MIEN1: variants seen among roughly 807,000 people sequenced by gnomAD.
MIEN1 encodes HBV X-transactivated gene 4 protein.
In MIEN1, 12 loss-of-function variants were observed where a neutral mutation model predicts 15.5. That is an observed-to-expected ratio of 0.78 (90% CI 0.50 to 1.26). The LOEUF (loss-of-function observed/expected upper bound fraction) is 1.26. Ranked by LOEUF, MIEN1 falls within the 50% of genes most tolerant of loss-of-function variation. The probability of loss-of-function intolerance (pLI) is 0.00; values close to 1 mark genes in which losing one functional copy is unlikely to be tolerated. For synonymous variants in MIEN1, 63 were observed against 62.8 expected (o/e 1.00, Z -0.02); for missense variants, 160 against 151.7 (o/e 1.05, Z -0.29).
In MIEN1 at chr17:39,729,242, GTAT is replaced by G. The variant is rs2059918131; in HGVS notation, c.*277_*279del. 1 of 512,432 alleles carries G rather than the reference GTAT, an allele frequency of 2.0e-6. No homozygotes were observed. Among genetic ancestry groups the G allele is most frequent in the Non-Finnish European group, 3.5e-6 (1 of 285,740 alleles). The allele number at this position is 512,432 out of a possible 1,614,324, so 31.7% of individuals were successfully genotyped here. On this transcript the variant is annotated 3_prime_UTR_variant, in exon 4 of 4. Coordinates refer to ENST00000394231, the MANE Select transcript of MIEN1 (RefSeq NM_032339.5). ...AAATAAAATCTGTGGCATCAGACAG[GTAT>G]TACCGAGGCGAAGAGTGGACTGGGC...
chr17:39,730,502 C>G lies in MIEN1; in HGVS notation c.-7G>C. 1 of 1,529,386 alleles carries G rather than the reference C, an allele frequency of 6.5e-7. No individual in the cohort carries two copies. Among genetic ancestry groups the G allele is most frequent in the Non-Finnish European group, 8.7e-7 (1 of 1,143,272 alleles). The allele number at this position is 1,529,386 out of a possible 1,614,324, so 94.7% of individuals were successfully genotyped here. ...GCCCCGGCTCCCCGCTCATCGCGGC[C>G]GGCTCCGCTCGGGCCCCTGCTTCCG... On this transcript the variant is annotated 5_prime_UTR_variant, in exon 1 of 4. Coordinates refer to ENST00000394231, the MANE Select transcript of MIEN1 (RefSeq NM_032339.5).
chr17:39,730,340 T>A (rs2059931645), intron 1 of MIEN1, 49 bp from the exon 2 acceptor site: 1 of 1,563,290 alleles, frequency 6.4e-7, no homozygotes, highest in Admixed American at 1.9e-5. Flanking sequence ...GGGTGGGGCC[T>A]CCCGTGGACC....
In MIEN1 at chr17:39,729,437, A is replaced by G; in HGVS notation, c.*85T>C. ...TTTGCTAAGGAGCTAAGTAGGGGAA[A>G]GAGGCAGGGGGAGCTCCCAGCAGGA... On this transcript the variant is annotated 3_prime_UTR_variant, in exon 4 of 4. Coordinates refer to ENST00000394231, the MANE Select transcript of MIEN1 (RefSeq NM_032339.5). 1 of 1,557,168 alleles carries G rather than the reference A, an allele frequency of 6.4e-7. No individual in the cohort carries two copies. The highest frequency in any genetic ancestry group is 8.8e-7 in the Non-Finnish European group (1 of 1,137,170).
intron 2 of MIEN1, 25 bp downstream of exon 2, chr17:39,730,169 C>T (rs1229901115): frequency 6.3e-7 from 1 of 1,580,806 alleles, no homozygotes; most frequent in South Asian, 1.1e-5. Flanking sequence ...ACAGACTGAC[C>T]CAGCAGGTGT....
Position 39,730,284 on chromosome 17 carries a change from A to C in MIEN1, c.97T>G (p.Cys33Gly). 6.2e-7 allele frequency: 1 copy of C among 1,600,042 alleles called. No individual in the cohort carries two copies. The highest frequency in any genetic ancestry group is 8.5e-7 in the Non-Finnish European group (1 of 1,174,678). ...VRIVVEYCEP[C>G]GFEATYLELA... The stretch of plus-strand genomic sequence containing the variant: ...TCCAGGTAGGTCGCCTCGAAGCCGC[A>C]GGGTTCACTGGGGAGTCAAGAGATG... The change falls in exon 2 of 4, where the codon TGC becomes GGC. Residue 33 changes from cysteine to glycine, a missense_variant. Coordinates refer to ENST00000394231, the MANE Select transcript of MIEN1 (RefSeq NM_032339.5).
chr17:39,728,931 A>T lies in MIEN1; in HGVS notation c.*591T>A. ...TGGGGTTATTTCCTCCTTGTGAGTG[A>T]GGAGAGTGGTGGGTAGGGTGGGGGA... On this transcript the variant is annotated 3_prime_UTR_variant, in exon 4 of 4. Coordinates refer to ENST00000394231, the MANE Select transcript of MIEN1 (RefSeq NM_032339.5). 5.8e-6 allele frequency: 1 copy of T among 173,450 alleles called. No homozygotes were observed. The allele number at this position is 173,450 out of a possible 1,614,324, so 10.7% of individuals were successfully genotyped here. A position where few individuals can be genotyped will look rare whatever the true frequency, so the allele number is the denominator to read the frequency against.
In MIEN1 at chr17:39,729,284, T is replaced by TA. The variant is rs1248162667; in HGVS notation, c.*237dup. 7 of 573,298 alleles carry TA rather than the reference T, an allele frequency of 1.2e-5. No homozygotes were observed. The African/African-American group carries it at 1.3e-4, about 11-fold the overall frequency. The allele number at this position is 573,298 out of a possible 1,614,324, so 35.5% of individuals were successfully genotyped here. ...AGTGGACTGGGCTTTCGTGGGCACT[T>TA]ACCCTGGGAAGGGGGTATGAGGTGG... On this transcript the variant is annotated 3_prime_UTR_variant, in exon 4 of 4. Transcript: ENST00000394231.
At position 39,729,154 on chromosome 17, in the gene MIEN1, C is replaced by T. The variant is rs1235024436; in HGVS notation, c.*368G>A. 1 of 288,128 alleles carries T rather than the reference C, an allele frequency of 3.5e-6. No homozygotes were observed. The highest frequency in any genetic ancestry group is 6.7e-6 in the Non-Finnish European group (1 of 150,058). The allele number at this position is 288,128 out of a possible 1,614,324, so 17.8% of individuals were successfully genotyped here. A position where few individuals can be genotyped will look rare whatever the true frequency, so the allele number is the denominator to read the frequency against. On this transcript the variant is annotated 3_prime_UTR_variant, in exon 4 of 4. Coordinates refer to ENST00000394231, the MANE Select transcript of MIEN1 (RefSeq NM_032339.5). ...ACGTATAAAAACACACACTAGTTAG[C>T]ATTAGTGTTTGTAGCGCCACTTTAC...
Position 39,729,618 on chromosome 17 carries a change from A to G in MIEN1, c.265-13T>C. The G allele has an allele frequency of 6.2e-7, 1 of 1,614,022 alleles. No individual in the cohort carries two copies. Among genetic ancestry groups the G allele is most frequent in the Non-Finnish European group, 8.5e-7 (1 of 1,179,998 alleles). On this transcript the variant is annotated splice_polypyrimidine_tract_variant and intron_variant, in intron 3 of 3. Coordinates refer to ENST00000394231, the MANE Select transcript of MIEN1 (RefSeq NM_032339.5). Reference sequence around the variant, plus strand: ...TGGCCTCAATGAGCTAGAGGAGTGGAATGACAGGATGATGCACTGTTGGGG... The same window carrying G: ...TGGCCTCAATGAGCTAGAGGAGTGGGATGACAGGATGATGCACTGTTGGGG...
Position 39,729,300 on chromosome 17 carries a change from T to G in MIEN1, c.*222A>C. 4 of 580,946 alleles carry G rather than the reference T, an allele frequency of 6.9e-6. No homozygotes were observed. Among genetic ancestry groups the G allele is most frequent in the South Asian group, 2.2e-5 (1 of 45,746 alleles). The allele number at this position is 580,946 out of a possible 1,614,324, so 36.0% of individuals were successfully genotyped here. A position where few individuals can be genotyped will look rare whatever the true frequency, so the allele number is the denominator to read the frequency against. On this transcript the variant is annotated 3_prime_UTR_variant, in exon 4 of 4. Coordinates refer to ENST00000394231, the MANE Select transcript of MIEN1 (RefSeq NM_032339.5). ...GTGGGCACTTACCCTGGGAAGGGGG[T>G]ATGAGGTGGCTGGAGAAGTGTTCAT...
In MIEN1 at chr17:39,729,292, G is replaced by C; in HGVS notation, c.*230C>G. The C allele has an allele frequency of 3.4e-6, 2 of 581,330 alleles. No individual in the cohort carries two copies. The highest frequency in any genetic ancestry group is 2.8e-5 in the East Asian group (1 of 35,170). The allele number at this position is 581,330 out of a possible 1,614,324, so 36.0% of individuals were successfully genotyped here. On this transcript the variant is annotated 3_prime_UTR_variant, in exon 4 of 4. Coordinates refer to ENST00000394231, the MANE Select transcript of MIEN1 (RefSeq NM_032339.5). ...GGGCTTTCGTGGGCACTTACCCTGGGAAGGGGGTATGAGGTGGCTGGAGAA... is the reference window on the plus strand; with the variant it reads ...GGGCTTTCGTGGGCACTTACCCTGGCAAGGGGGTATGAGGTGGCTGGAGAA...
Position 39,730,496 on chromosome 17 carries a change from C to T in MIEN1, c.-1G>A. 6.5e-7 allele frequency: 1 copy of T among 1,532,096 alleles called. No individual in the cohort carries two copies. 94.9% of individuals were successfully genotyped at this position (1,532,096 alleles called of 1,614,324 possible). A position where few individuals can be genotyped will look rare whatever the true frequency, so the allele number is the denominator to read the frequency against. ...ACGTCTGCCCCGGCTCCCCGCTCAT[C>T]GCGGCCGGCTCCGCTCGGGCCCCTG... On this transcript the variant is annotated 5_prime_UTR_variant, in exon 1 of 4. Coordinates refer to ENST00000394231, the MANE Select transcript of MIEN1 (RefSeq NM_032339.5).
Position 39,729,261 on chromosome 17 carries a change from T to G in MIEN1, c.*261A>C. 3.7e-6 allele frequency: 2 copies of G among 535,238 alleles called. No individual in the cohort carries two copies. The highest frequency in any genetic ancestry group is 1.9e-5 in the African/African-American group (1 of 52,742). The allele number at this position is 535,238 out of a possible 1,614,324, so 33.2% of individuals were successfully genotyped here. On this transcript the variant is annotated 3_prime_UTR_variant, in exon 4 of 4. Transcript: ENST00000394231. ...AGACAGGTATTACCGAGGCGAAGAGTGGACTGGGCTTTCGTGGGCACTTAC... is the reference window on the plus strand; with the variant it reads ...AGACAGGTATTACCGAGGCGAAGAGGGGACTGGGCTTTCGTGGGCACTTAC...
chr17:39,729,331 G>A lies in MIEN1; in HGVS notation c.*191C>T. The A allele has an allele frequency of 7.5e-6, 5 of 663,196 alleles. No individual in the cohort carries two copies. The highest frequency in any genetic ancestry group is 1.3e-5 in the Non-Finnish European group (5 of 386,580). The allele number at this position is 663,196 out of a possible 1,614,324, so 41.1% of individuals were successfully genotyped here. A position where few individuals can be genotyped will look rare whatever the true frequency, so the allele number is the denominator to read the frequency against. On this transcript the variant is annotated 3_prime_UTR_variant, in exon 4 of 4. Coordinates refer to ENST00000394231, the MANE Select transcript of MIEN1 (RefSeq NM_032339.5). Reference sequence around the variant, plus strand: ...GTGGCTGGAGAAGTGTTCATGGAGAGTGTCTCTCTCCTGCCCCCAAGGCCA... The same window carrying A: ...GTGGCTGGAGAAGTGTTCATGGAGAATGTCTCTCTCCTGCCCCCAAGGCCA...
chr17:39,730,222 G>GT lies in MIEN1; in HGVS notation c.158_159insA (p.Glu54ArgfsTer13), dbSNP rs1252358533. 6.2e-7 allele frequency: 1 copy of GT among 1,608,342 alleles called. No homozygotes were observed. ...TGCCCCCGAGGCGCGACTCGATCTC[G>GT]ATGCCCGGATACTGCTCCTTCACAG... is the stretch of plus-strand genomic sequence containing the variant. On this transcript the variant is annotated frameshift_variant, in exon 2 of 4. Transcript: ENST00000394231. LOFTEE classifies it high-confidence loss of function.
Position 39,729,558 on chromosome 17 carries a change from C to A in MIEN1, c.312G>T (p.Lys104Asn). 1 of 1,614,106 alleles carries A rather than the reference C, an allele frequency of 6.2e-7. No individual in the cohort carries two copies. The highest frequency in any genetic ancestry group is 8.5e-7 in the Non-Finnish European group (1 of 1,180,028). ...CGCAGGGAGGACGGCTGTTGGTGAT[C>A]TTTTCTAGGGTTTCTCCATTACTGG... ...RRASNGETLEKITNSRPPCVI... is the reference protein window; with the variant it reads ...RRASNGETLENITNSRPPCVI... Residue 104 changes from lysine (K) to asparagine (N), a missense_variant, in exon 4 of 4, where the codon AAG becomes AAT. Coordinates refer to ENST00000394231, the MANE Select transcript of MIEN1 (RefSeq NM_032339.5).
In MIEN1 at chr17:39,728,819, G is replaced by A. The variant is rs545061825; in HGVS notation, c.*703C>T. On this transcript the variant is annotated 3_prime_UTR_variant, in exon 4 of 4. Transcript: ENST00000394231. Reference sequence around the variant, plus strand: ...TCCAGCTTCAGGGTTGGGGGAGATCGGGAAGCTGGATTCAGATCTGAGAGC... The same window carrying A: ...TCCAGCTTCAGGGTTGGGGGAGATCAGGAAGCTGGATTCAGATCTGAGAGC... 9 of 204,574 alleles carry A rather than the reference G, an allele frequency of 4.4e-5. No individual in the cohort carries two copies. The highest frequency in any genetic ancestry group is 8.0e-5 in the Non-Finnish European group (8 of 99,914). The allele number at this position is 204,574 out of a possible 1,614,324, so 12.7% of individuals were successfully genotyped here. A position where few individuals can be genotyped will look rare whatever the true frequency, so the allele number is the denominator to read the frequency against.
Position 39,730,226 on chromosome 17 carries a change from C to A in MIEN1, c.155G>T (p.Gly52Val). Residue 52 changes from glycine (G) to valine (V), a missense_variant, in exon 2 of 4, where the codon GGC (glycine) becomes GTC (valine). Coordinates refer to ENST00000394231, the MANE Select transcript of MIEN1 (RefSeq NM_032339.5). ...LASAVKEQYP[G>V]IEIESRLGGT... ...CCCGAGGCGCGACTCGATCTCGATG[C>A]CCGGATACTGCTCCTTCACAGCACT... The A allele has an allele frequency of 1.2e-6, 2 of 1,607,798 alleles. No homozygotes were observed. Among genetic ancestry groups the A allele is most frequent in the Non-Finnish European group, 1.7e-6 (2 of 1,179,458 alleles).
Position 39,730,503 on chromosome 17 carries a change from G to C in MIEN1, c.-8C>G. ...CCCCGGCTCCCCGCTCATCGCGGCC[G>C]GCTCCGCTCGGGCCCCTGCTTCCGG... On this transcript the variant is annotated 5_prime_UTR_variant, in exon 1 of 4. Transcript: ENST00000394231. The C allele has an allele frequency of 6.5e-7, 1 of 1,529,668 alleles. No homozygotes were observed. The highest frequency in any genetic ancestry group is 8.7e-7 in the Non-Finnish European group (1 of 1,143,384). 94.8% of individuals were successfully genotyped at this position (1,529,668 alleles called of 1,614,324 possible).
Sources: gnomAD v4.1 joint callset for allele counts on GRCh38, gnomAD v4.1.1 for gene constraint, MANE v1.5 for transcripts, NCBI Gene and HGNC (gene_info 2026-07-23, HGNC 2026-07-21) for gene names.